Variants in ARID1B observed in about 807,000 individuals in gnomAD.
The protein encoded by ARID1B is AT-rich interactive domain-containing protein 1B.
Under a neutral mutation model 212.3 loss-of-function variants are expected in ARID1B, and 30 were observed. The observed-to-expected ratio is 0.14, with a 90% CI of 0.11 to 0.19. ARID1B has a LOEUF of 0.19. ARID1B is among the 10% of genes least tolerant of loss of function. The probability of loss-of-function intolerance (pLI) is 1.00; values close to 1 mark genes in which losing one functional copy is unlikely to be tolerated. For missense variants in ARID1B, 2,891 were observed against 3,204.0 expected (o/e 0.90, Z 2.36); for synonymous variants, 1,402 against 1,301.7 (o/e 1.08, Z -1.66).
rs1794226477 is a variant in ARID1B at position 157,203,224 on chromosome 6, C to T, written c.5264-642C>T. The stretch of plus-strand genomic sequence containing the variant: ...TTCTACCTGATCATTTTGTTTCCTT[C>T]AGTAGCAGGAATAGGGAAAACAACA... On this transcript the variant is annotated intron_variant, in intron 18 of 19. Coordinates refer to ENST00000636930, the MANE Select transcript of ARID1B (RefSeq NM_001374828.1). The surrounding 1 kb of genome is among the most constrained non-coding windows in gnomAD (Gnocchi z 4.4). Among the ~76,000 whole-genome samples, 1 of 152,154 alleles carries T rather than the reference C, an allele frequency of 6.6e-6. No homozygotes were observed. The highest frequency in any genetic ancestry group is 2.4e-5 in the African/African-American group (1 of 41,414).
At chr6:157,069,255 A>G (rs1783867723) in intron 4 of ARID1B, among the ~76,000 whole-genome samples, 1 of 152,092 alleles carries the variant, frequency 6.6e-6, no homozygotes, top group Non-Finnish European at 1.5e-5. Flanking sequence ...TATTTTTTAT[A>G]TATTATTCAT....
At position 157,206,160 on chromosome 6, in the gene ARID1B, T is replaced by C. The variant is rs1794426343; in HGVS notation, c.5395-7T>C. On this transcript the variant is annotated splice_region_variant and splice_polypyrimidine_tract_variant and intron_variant, in intron 19 of 19. Coordinates refer to ENST00000636930, the MANE Select transcript of ARID1B (RefSeq NM_001374828.1). This position sits in a 1 kb window ranked among gnomAD's most constrained non-coding sequence, Gnocchi z 6.8. Reference sequence around the variant, plus strand: ...TCTTTCTTTCTTCTCCTCCTCCTCCTCTCCAGTTGTCTGGATTTCTCGAAC... The same window carrying C: ...TCTTTCTTTCTTCTCCTCCTCCTCCCCTCCAGTTGTCTGGATTTCTCGAAC... 2 of 1,613,158 alleles carry C rather than the reference T, an allele frequency of 1.2e-6. No individual in the cohort carries two copies. The highest frequency in any genetic ancestry group is 1.7e-6 in the Non-Finnish European group (2 of 1,179,354).
intron 7 of ARID1B, among the ~76,000 whole-genome samples, chr6:157,138,489 CG>C (rs1395827470): frequency 6.6e-6 from 1 of 152,144 alleles, no homozygotes; most frequent in Non-Finnish European, 1.5e-5. Context: ...CCACCCACCT[CG>C]GCCTCCCAAA....
At chr6:157,189,552 T>C (rs1793210635) in intron 13 of ARID1B, 90 bp from the exon 14 acceptor site, 1 of 1,371,020 alleles carries the variant, frequency 7.3e-7, no homozygotes, top group South Asian at 1.5e-5. Flanking sequence ...TTTACATTTA[T>C]GTCTTTCATC....
Position 156,902,735 on chromosome 6 carries a change from C to CAAAAAAAA in ARID1B, c.2136+1230_2136+1237dup, listed in dbSNP as rs869259426. 6.0e-4 allele frequency among the ~76,000 whole-genome samples: 37 copies of CAAAAAAAA among 61,672 alleles called. 2 individuals carry two copies. Among genetic ancestry groups the CAAAAAAAA allele is most frequent in the African/African-American group, 1.8e-3 (34 of 19,378 alleles). The allele number at this position is 61,672 out of a possible 152,430, so 40.5% of individuals were successfully genotyped here. A position where few individuals can be genotyped will look rare whatever the true frequency, so the allele number is the denominator to read the frequency against. On this transcript the variant is annotated intron_variant, in intron 3 of 19. Transcript: ENST00000636930. ...CTTGCAACAGAGTGAGACTCTGTCTCAAAAAAAAAAAAAAAAAAAAAAAAA... is the reference window on the plus strand; with the variant it reads ...CTTGCAACAGAGTGAGACTCTGTCTCAAAAAAAAAAAAAAAAAAAAAAAAAAAAAAAAA...
At chr6:157,013,708 T>C (rs1456832342) in intron 4 of ARID1B, among the ~76,000 whole-genome samples, 1 of 152,232 alleles carries the variant, frequency 6.6e-6, no homozygotes, top group Non-Finnish European at 1.5e-5. Flanking sequence ...CGCAATCTCA[T>C]GGACTTACCT....
chr6:157,168,828 T>C (rs564564081), intron 9 of ARID1B: 3 of 152,360 alleles, frequency 2.0e-5, no homozygotes, highest in African/African-American at 7.2e-5. Flanking sequence ...ATCTTTTGTA[T>C]GGGGTGGTAG....
intron 2 of ARID1B, among the ~76,000 whole-genome samples, chr6:156,856,192 A>AACT (rs2128117784): frequency 6.6e-6 from 1 of 152,332 alleles, no homozygotes; most frequent in East Asian, 1.9e-4. Flanking sequence ...AACTGGAGCG[A>AACT]ACTTACTGCA....
At chr6:157,151,976 T>C (rs943221338) in intron 8 of ARID1B, 6 of 152,224 alleles carry the variant, frequency 3.9e-5, no homozygotes, top group Non-Finnish European at 8.8e-5. Flanking sequence ...AAATATAGAA[T>C]CCTGTAAACA....
At chr6:156,867,796 A>C (rs1006091008) in intron 2 of ARID1B, among the ~76,000 whole-genome samples, 1 of 152,200 alleles carries the variant, frequency 6.6e-6, no homozygotes, top group Non-Finnish European at 1.5e-5. Context: ...CCTGCCCTTT[A>C]AATCTCAGGC....
chr6:156,826,255 C>T (rs1782732310), intron 1 of ARID1B, among the ~76,000 whole-genome samples: 1 of 152,222 alleles, frequency 6.6e-6, no homozygotes, highest in South Asian at 2.1e-4. Context: ...CCTCCTGGCA[C>T]AGTCCTGTGG....
At position 157,209,708 on chromosome 6, in the gene ARID1B, T is replaced by A. The variant is rs1421403826; in HGVS notation, c.*1817T>A. Reference sequence around the variant, plus strand: ...CGTGTATAATATTTATACTGTGCAATGTTAAAAAAGAATCTGTTATATTGT... The same window carrying A: ...CGTGTATAATATTTATACTGTGCAAAGTTAAAAAAGAATCTGTTATATTGT... On this transcript the variant is annotated 3_prime_UTR_variant, in exon 20 of 20. Transcript: ENST00000636930. 4.3e-6 allele frequency: 1 copy of A among 233,262 alleles called. No homozygotes were observed. Among genetic ancestry groups the A allele is most frequent in the Non-Finnish European group, 8.5e-6 (1 of 118,036 alleles). The allele number at this position is 233,262 out of a possible 1,614,324, so 14.4% of individuals were successfully genotyped here.
chr6:157,012,910 G>C (rs1047199568), intron 4 of ARID1B, among the ~76,000 whole-genome samples: 3 of 150,968 alleles, frequency 2.0e-5, no homozygotes, highest in African/African-American at 7.3e-5. Context: ...ATGAAGTTTC[G>C]CTCTTGTTGC....
chr6:156,781,823 C>G (rs955472090), intron 1 of ARID1B, among the ~76,000 whole-genome samples: 15 of 152,092 alleles, frequency 9.9e-5, no homozygotes, highest in Middle Eastern at 6.9e-3. Context: ...AAATTCACAT[C>G]TTCGTAAACT....
At chr6:156,993,689 A>T (rs930262596) in intron 4 of ARID1B, among the ~76,000 whole-genome samples, 2 of 152,222 alleles carry the variant, frequency 1.3e-5, no homozygotes, top group African/African-American at 4.8e-5. Flanking sequence ...AGTAGGAATA[A>T]TATTTATTCC....
chr6:156,991,036 A>G (rs1217714143), intron 4 of ARID1B, among the ~76,000 whole-genome samples: 1 of 152,076 alleles, frequency 6.6e-6, no homozygotes, highest in Non-Finnish European at 1.5e-5. Flanking sequence ...TGACATTCCT[A>G]TGAGGGCTGT....
chr6:156,980,434 G>T (rs1295338763), intron 4 of ARID1B, among the ~76,000 whole-genome samples: 1 of 152,146 alleles, frequency 6.6e-6, no homozygotes, highest in Non-Finnish European at 1.5e-5. Context: ...AGTGAGCCGA[G>T]ATCATGCCAT....
chr6:156,859,359 G>C (rs1785168099), intron 2 of ARID1B, among the ~76,000 whole-genome samples: 1 of 152,184 alleles, frequency 6.6e-6, no homozygotes, highest in Non-Finnish European at 1.5e-5. Context: ...AGAATTGTCT[G>C]ATGATTCCTT....
At chr6:157,149,302 C>A (rs888729110) in intron 8 of ARID1B, 2 of 240,136 alleles carry the variant, frequency 8.3e-6, no homozygotes, top group Middle Eastern at 1.5e-3. Context: ...GCAGGAAATA[C>A]GCTTAGGAAC....
Sources: allele counts gnomAD v4.1 joint callset (sites outside exome capture counted in the v4.1 genomes callset), GRCh38; gene constraint gnomAD v4.1.1; non-coding constraint Gnocchi (gnomAD v3.1); transcripts MANE v1.5; gene names NCBI Gene and HGNC (gene_info 2026-07-23, HGNC 2026-07-21).